Variants in POLDIP3 observed in about 807,000 individuals in gnomAD.
The protein encoded by POLDIP3 is polymerase delta-interacting protein 3.
POLDIP3 carries 14 observed loss-of-function variants against 45.1 expected under a neutral mutation model. That is an observed-to-expected ratio of 0.31 (90% CI 0.20 to 0.49). POLDIP3 has a LOEUF of 0.49. Among genes scored for constraint, POLDIP3 ranks in the 20% least tolerant of loss-of-function variants. The pLI, the probability that POLDIP3 is intolerant of heterozygous loss-of-function variation, is 0.99. For synonymous variants in POLDIP3, 223 were observed against 205.2 expected (o/e 1.09, Z -0.74); for missense variants, 511 against 538.8 (o/e 0.95, Z 0.51).
In POLDIP3 at chr22:42,585,434, C is replaced by G. The variant is rs986722164; in HGVS notation, c.*357G>C. 5.8e-5 allele frequency: 21 copies of G among 360,266 alleles called. No individual in the cohort carries two copies. Among genetic ancestry groups the G allele is most frequent in the Non-Finnish European group, 1.0e-4 (19 of 184,074 alleles). 22.3% of individuals were successfully genotyped at this position (360,266 alleles called of 1,614,324 possible). ...AAAAAGCAGGGTCCTTCAGACAGCC[C>G]CCACGCTGCATCCCATGGGGCCACA... On this transcript the variant is annotated 3_prime_UTR_variant, in exon 9 of 9. Transcript: ENST00000252115.
intron 6 of POLDIP3, 31 bp downstream of exon 6, chr22:42,595,506 A>G (rs769425152): frequency 6.2e-5 from 100 of 1,601,624 alleles, no homozygotes; most frequent in Non-Finnish European, 8.4e-5. Context: ...GCAGTTTGAG[A>G]TTTAAATGTT....
intron 7 of POLDIP3, among the ~76,000 whole-genome samples, chr22:42,590,700 G>A (rs1925610302): frequency 6.6e-6 from 1 of 152,194 alleles, no homozygotes; most frequent in South Asian, 2.1e-4. Context: ...TCACTTATCT[G>A]ATAAGGGACT....
chr22:42,614,746 G>A (rs770859387), intron 1 of POLDIP3, 53 bp downstream of exon 1: 17 of 1,593,376 alleles, frequency 1.1e-5, no homozygotes, highest in Non-Finnish European at 1.4e-5. Context: ...CCCCCGCCTC[G>A]AGCTCCACTA....
chr22:42,599,162 G>T (rs1238686523), intron 4 of POLDIP3, among the ~76,000 whole-genome samples: 1 of 152,184 alleles, frequency 6.6e-6, no homozygotes, highest in Non-Finnish European at 1.5e-5. Flanking sequence ...CAGCACCTAG[G>T]AGCTGCAGCC....
chr22:42,614,758 G>C (rs746433126), intron 1 of POLDIP3, 41 bp downstream of exon 1: 29 of 1,608,722 alleles, frequency 1.8e-5, no homozygotes, highest in South Asian at 5.5e-5. Flanking sequence ...GCTCCACTAG[G>C]CCGAGGACCC....
intron 3 of POLDIP3, among the ~76,000 whole-genome samples, chr22:42,601,504 T>C (rs934938069): frequency 6.6e-6 from 1 of 152,142 alleles, no homozygotes; most frequent in African/African-American, 2.4e-5. Context: ...GGCTCACGCC[T>C]GTAATCCCAG....
At chr22:42,596,499 A>G (rs1242523849) in intron 4 of POLDIP3, 134 bp from the exon 5 acceptor site, 12 of 911,318 alleles carry the variant, frequency 1.3e-5, no homozygotes, top group Non-Finnish European at 2.0e-5. Context: ...AGAGGTCTGG[A>G]GCCAAAAAGG....
intron 3 of POLDIP3, 40 bp from the exon 4 acceptor site, chr22:42,599,833 T>A (rs746032106): frequency 8.3e-6 from 12 of 1,445,454 alleles, no homozygotes; most frequent in Non-Finnish European, 1.2e-5. Context: ...AAATGTGGCA[T>A]CTGGGCCCTC....
chr22:42,602,064 C>A lies in POLDIP3; in HGVS notation c.451-8G>T. ...GGCTTTCTGCTGTGGAACCTGGAAA[C>A]ACTCAGTGGTCAGAATCCACCCCAC... On this transcript the variant is annotated splice_region_variant and splice_polypyrimidine_tract_variant and intron_variant, in intron 2 of 8. Coordinates refer to ENST00000252115, the MANE Select transcript of POLDIP3 (RefSeq NM_032311.5). 1 of 1,614,082 alleles carries A rather than the reference C, an allele frequency of 6.2e-7. No homozygotes were observed. The highest frequency in any genetic ancestry group is 8.5e-7 in the Non-Finnish European group (1 of 1,179,982).
intron 4 of POLDIP3, 132 bp from the exon 5 acceptor site, chr22:42,596,497 G>T: frequency 1.1e-6 from 1 of 942,698 alleles, no homozygotes. Context: ...TTAGAGGTCT[G>T]GAGCCAAAAA....
intron 1 of POLDIP3, among the ~76,000 whole-genome samples, chr22:42,608,263 C>A (rs920095845): frequency 7.7e-6 from 1 of 130,178 alleles, no homozygotes; most frequent in African/African-American, 3.1e-5. Context: ...ACCCCCCCCC[C>A]CAAAAAAAAA....
intron 8 of POLDIP3, 143 bp downstream of exon 8, chr22:42,587,363 C>T (rs1231598039): frequency 3.5e-6 from 3 of 845,316 alleles, no homozygotes; most frequent in African/African-American, 1.7e-5. Flanking sequence ...CAAGTTTAAG[C>T]ATATGAAACG....
rs1441430309 is a variant in POLDIP3, at chr22:42,591,946, C to T, written c.1021+9G>A. 6.2e-7 allele frequency: 1 copy of T among 1,614,154 alleles called. No individual in the cohort carries two copies. Among genetic ancestry groups the T allele is most frequent in the African/African-American group, 1.3e-5 (1 of 75,046 alleles). ...GGAGGGTCAGGGGACTGCTTTCTCCCTAACTTACCGTCCAGACACCGGTTG... is the reference window on the plus strand; with the variant it reads ...GGAGGGTCAGGGGACTGCTTTCTCCTTAACTTACCGTCCAGACACCGGTTG... On this transcript the variant is annotated intron_variant, in intron 7 of 8. Coordinates refer to ENST00000252115, the MANE Select transcript of POLDIP3 (RefSeq NM_032311.5).
In POLDIP3 at chr22:42,585,034, C is replaced by G. The variant is rs1342227854; in HGVS notation, c.*757G>C. The G allele has an allele frequency of 6.6e-6, 3 of 455,552 alleles. No individual in the cohort carries two copies. The highest frequency in any genetic ancestry group is 1.3e-5 in the Non-Finnish European group (3 of 226,706). 28.2% of individuals were successfully genotyped at this position (455,552 alleles called of 1,614,324 possible). On this transcript the variant is annotated 3_prime_UTR_variant, in exon 9 of 9. Transcript: ENST00000252115. ...GGGAGGGCTCACAACACAGCCCCCT[C>G]CCAGCAAAGACACCCAGAAGGGAAA...
intron 1 of POLDIP3, among the ~76,000 whole-genome samples, chr22:42,608,876 C>T (rs1926942838): frequency 6.6e-6 from 1 of 152,226 alleles, no homozygotes; most frequent in Admixed American, 6.5e-5. Flanking sequence ...ACTCAGTTCC[C>T]TGGTTCCACC....
chr22:42,585,606 GA>G lies in POLDIP3; in HGVS notation c.*184del. 1 of 666,706 alleles carries G rather than the reference GA, an allele frequency of 1.5e-6. No individual in the cohort carries two copies. Among genetic ancestry groups the G allele is most frequent in the Non-Finnish European group, 2.6e-6 (1 of 385,626 alleles). The allele number at this position is 666,706 out of a possible 1,614,324, so 41.3% of individuals were successfully genotyped here. A position where few individuals can be genotyped will look rare whatever the true frequency, so the allele number is the denominator to read the frequency against. On this transcript the variant is annotated 3_prime_UTR_variant, in exon 9 of 9. Transcript: ENST00000252115. ...ACTACAGGAAACGTTAACGTAGAGA[GA>G]AGAGCACAGGGCAGAACACAACACA...
chr22:42,602,676 A>T lies in POLDIP3; in HGVS notation c.450+94T>A, dbSNP rs1051131236. 8 of 1,374,616 alleles carry T rather than the reference A, an allele frequency of 5.8e-6. No homozygotes were observed. In the African/African-American group the frequency reaches 1.2e-4, roughly 20 times the overall value. The allele number at this position is 1,374,616 out of a possible 1,614,324, so 85.2% of individuals were successfully genotyped here. A position where few individuals can be genotyped will look rare whatever the true frequency, so the allele number is the denominator to read the frequency against. The stretch of plus-strand genomic sequence containing the variant: ...CTGTATTATGCCAACACTTGAGAGG[A>T]TAGTATTTTTGCCCAGTCACTCCTG... On this transcript the variant is annotated intron_variant, in intron 2 of 8. Transcript: ENST00000252115.
chr22:42,586,274 T>A (rs1041501099), intron 8 of POLDIP3, among the ~76,000 whole-genome samples: 1 of 152,116 alleles, frequency 6.6e-6, no homozygotes, highest in African/African-American at 2.4e-5. Context: ...CCAGGCTGTG[T>A]TTTTCTTATT....
At chr22:42,591,794 A>C (rs1925680783) in intron 7 of POLDIP3, among the ~76,000 whole-genome samples, 161 bp downstream of exon 7, 3 of 152,182 alleles carry the variant, frequency 2.0e-5, no homozygotes. Flanking sequence ...TGTAACCCAC[A>C]GCTCAGGACT....
Sources: gnomAD v4.1 joint callset for allele counts (sites outside exome capture counted in the v4.1 genomes callset) on GRCh38, gnomAD v4.1.1 for gene constraint, MANE v1.5 for transcripts, NCBI Gene and HGNC (gene_info 2026-07-23, HGNC 2026-07-21) for gene names.